FSTL5: variants seen among roughly 807,000 people sequenced by gnomAD.
FSTL5 encodes the protein follistatin-related protein 5.
Under a neutral mutation model 89.1 loss-of-function variants are expected in FSTL5, and 62 were observed. The observed-to-expected ratio is 0.70, with a 90% CI of 0.57 to 0.86. The LOEUF (loss-of-function observed/expected upper bound fraction) is 0.86, where lower values mean the gene tolerates loss of function less well. FSTL5 is among the 40% of genes least tolerant of loss of function. The probability of loss-of-function intolerance (pLI) is 0.00; values close to 1 mark genes in which losing one functional copy is unlikely to be tolerated. For missense variants in FSTL5, 1,057 were observed against 1,001.6 expected, an observed-to-expected ratio of 1.06 and a Z score of -0.75; for synonymous variants, 383 against 346.2, an observed-to-expected ratio of 1.11 and a Z score of -1.18.
intron 15 of FSTL5, among the ~76,000 whole-genome samples, chr4:161,432,197 TATATGTTAAGTCACA>T (rs1056887668): frequency 6.6e-6 from 1 of 152,028 alleles, no homozygotes; most frequent in African/African-American, 2.4e-5. Flanking sequence ...AAGGAGAGAC[TATATGTTAAGTCACA>T]AATGAGTCTT....
chr4:161,860,251 G>A (rs1325476940), intron 4 of FSTL5, among the ~76,000 whole-genome samples: 2 of 151,984 alleles, frequency 1.3e-5, no homozygotes. Flanking sequence ...TCGCGCCACT[G>A]CACTCCAGCC....
At chr4:161,565,782 C>T (rs867989455) in intron 8 of FSTL5, among the ~76,000 whole-genome samples, 31 of 145,060 alleles carry the variant, frequency 2.1e-4, no homozygotes, top group African/African-American at 6.7e-4. Context: ...CACACACACA[C>T]ATATATATGA....
At chr4:161,716,439 A>T (rs1579043782) in intron 6 of FSTL5, among the ~76,000 whole-genome samples, 1 of 152,012 alleles carries the variant, frequency 6.6e-6, no homozygotes, top group African/African-American at 2.4e-5. Context: ...TCTACTAAAA[A>T]TACCAAAGTG....
intron 5 of FSTL5, among the ~76,000 whole-genome samples, chr4:161,760,430 C>T (rs899226647): frequency 2.0e-5 from 3 of 151,988 alleles, no homozygotes; most frequent in Admixed American, 6.6e-5. Context: ...AAAAGTGGTG[C>T]GGTATAATCA....
At chr4:161,888,177 C>G (rs1732874657) in intron 4 of FSTL5, among the ~76,000 whole-genome samples, 1 of 152,158 alleles carries the variant, frequency 6.6e-6, no homozygotes, top group Non-Finnish European at 1.5e-5. Context: ...CATTTCCCAG[C>G]CTCCCTTGAA....
At chr4:161,770,344 GAATTT>G (rs1308938480) in intron 5 of FSTL5, among the ~76,000 whole-genome samples, 2 of 151,922 alleles carry the variant, frequency 1.3e-5, no homozygotes, top group African/African-American at 4.8e-5. Context: ...GCAACTAGAA[GAATTT>G]AATTGAATTG....
At chr4:161,751,194 G>C (rs539329784) in intron 6 of FSTL5, among the ~76,000 whole-genome samples, 2 of 151,636 alleles carry the variant, frequency 1.3e-5, no homozygotes, top group Non-Finnish European at 2.9e-5. Flanking sequence ...AATGAAGGAC[G>C]GAGTTATTTT....
intron 4 of FSTL5, among the ~76,000 whole-genome samples, chr4:161,897,163 A>G (rs1733186051): frequency 6.6e-6 from 1 of 151,816 alleles, no homozygotes; most frequent in South Asian, 2.1e-4. Flanking sequence ...AAATTAAACT[A>G]GATCATACTG....
At chr4:161,719,966 G>A (rs545769357) in intron 6 of FSTL5, among the ~76,000 whole-genome samples, 1 of 152,028 alleles carries the variant, frequency 6.6e-6, no homozygotes, top group East Asian at 1.9e-4. Context: ...AGAAAACATA[G>A]GAAAAAACCT....
chr4:162,078,419 T>C (rs924863789), intron 2 of FSTL5, among the ~76,000 whole-genome samples: 1 of 151,876 alleles, frequency 6.6e-6, no homozygotes, highest in Admixed American at 6.6e-5. Flanking sequence ...TTTTCAGTTA[T>C]GTTGCCATTT....
chr4:162,085,731 CG>C (rs1358473158), intron 2 of FSTL5, among the ~76,000 whole-genome samples: 58 of 152,186 alleles, frequency 3.8e-4, no homozygotes, highest in Middle Eastern at 3.4e-3. Flanking sequence ...TTCATTTCCT[CG>C]TCATGGTAGC....
intron 6 of FSTL5, among the ~76,000 whole-genome samples, chr4:161,714,875 T>C (rs1214995539): frequency 6.6e-6 from 1 of 152,164 alleles, no homozygotes; most frequent in Non-Finnish European, 1.5e-5. Context: ...CTATATGTAC[T>C]AGGTATGAAA....
intron 15 of FSTL5, among the ~76,000 whole-genome samples, chr4:161,450,293 GCAC>G (rs1273486028): frequency 6.6e-6 from 1 of 152,052 alleles, no homozygotes; most frequent in Non-Finnish European, 1.5e-5. Flanking sequence ...AATTCTAGTT[GCAC>G]CTGCACAGCA....
At chr4:161,884,271 C>T (rs983764985) in intron 4 of FSTL5, among the ~76,000 whole-genome samples, 2 of 151,986 alleles carry the variant, frequency 1.3e-5, no homozygotes, top group African/African-American at 4.8e-5. Flanking sequence ...CTCCTGACCT[C>T]GTGATCTGCC....
chr4:161,501,546 A>G (rs944514673), intron 11 of FSTL5, among the ~76,000 whole-genome samples: 2 of 152,008 alleles, frequency 1.3e-5, no homozygotes, highest in Non-Finnish European at 2.9e-5. Flanking sequence ...TAATACATAT[A>G]CACTTTAAAT....
intron 4 of FSTL5, among the ~76,000 whole-genome samples, chr4:161,797,211 T>C (rs1361809684): frequency 6.6e-6 from 1 of 151,674 alleles, no homozygotes; most frequent in Non-Finnish European, 1.5e-5. Flanking sequence ...AATGTGTTTA[T>C]TTCAGATGTT....
intron 8 of FSTL5, among the ~76,000 whole-genome samples, chr4:161,560,615 C>A (rs1732561044): frequency 6.6e-6 from 1 of 151,476 alleles, no homozygotes; most frequent in Non-Finnish European, 1.5e-5. Flanking sequence ...CCTTTTTAAA[C>A]ATTTTTGTTA....
chr4:162,097,901 G>A (rs182237132), intron 2 of FSTL5, among the ~76,000 whole-genome samples: 35 of 151,964 alleles, frequency 2.3e-4, no homozygotes, highest in African/African-American at 8.4e-4. Flanking sequence ...AAAAAGGTCT[G>A]GTAGTTTCTT....
chr4:162,010,532 G>A (rs778696014), intron 3 of FSTL5, among the ~76,000 whole-genome samples: 36 of 152,050 alleles, frequency 2.4e-4, no homozygotes, highest in Non-Finnish European at 4.4e-4. Flanking sequence ...ACCACAATCT[G>A]ATTTTAGAAC....
Sources: allele counts gnomAD v4.1 joint callset (sites outside exome capture counted in the v4.1 genomes callset), GRCh38; gene constraint gnomAD v4.1.1; transcripts MANE v1.5; gene names NCBI Gene and HGNC (gene_info 2026-07-23, HGNC 2026-07-21).